METTL15: variants seen among roughly 807,000 people sequenced by gnomAD.
The protein encoded by METTL15 is 12S rRNA N(4)-cytidine methyltransferase METTL15.
METTL15 carries 34 observed loss-of-function variants against 38.3 expected under a neutral mutation model. The observed-to-expected ratio is 0.89, with a 90% CI of 0.68 to 1.18. The LOEUF (loss-of-function observed/expected upper bound fraction) is 1.18, where lower values mean the gene tolerates loss of function less well. Ranked by LOEUF, METTL15 falls within the 50% of genes most tolerant of loss-of-function variation. The pLI, the probability that METTL15 is intolerant of heterozygous loss-of-function variation, is 0.00. For synonymous variants in METTL15, 162 were observed against 170.9 expected (o/e 0.95, Z 0.41); for missense variants, 438 against 498.4 (o/e 0.88, Z 1.15).
chr11:28,368,101 T>A (rs1590347022), intron 5 of METTL15, among the ~76,000 whole-genome samples: 1 of 51,614 alleles, frequency 1.9e-5, no homozygotes, highest in Non-Finnish European at 4.2e-5. Context: ...AAATGGGATC[T>A]AATTAAACTA....
At chr11:28,377,291 GT>G (rs754112312) in intron 5 of METTL15, among the ~76,000 whole-genome samples, 222 of 151,566 alleles carry the variant, frequency 1.5e-3, no homozygotes, top group Non-Finnish European at 1.9e-3. Flanking sequence ...TCACTTTCAG[GT>G]ACACCAATCA....
intron 4 of METTL15, among the ~76,000 whole-genome samples, chr11:28,240,361 CAT>C (rs920726655): frequency 5.9e-5 from 9 of 152,260 alleles, no homozygotes; most frequent in African/African-American, 2.2e-4. Flanking sequence ...AGGATTTTAA[CAT>C]AGGTATCTTT....
At chr11:28,123,844 AT>A in intron 3 of METTL15, 1 of 1,423,004 alleles carries the variant, frequency 7.0e-7, no homozygotes, top group Non-Finnish European at 9.5e-7. Flanking sequence ...TGTTACATGT[AT>A]TTTTCTTTCT....
chr11:28,373,743 G>C (rs1335092492), intron 5 of METTL15, among the ~76,000 whole-genome samples: 2 of 152,020 alleles, frequency 1.3e-5, no homozygotes, highest in Non-Finnish European at 2.9e-5. Context: ...CCTTGCCCGT[G>C]CCTATGTCCT....
intron 6 of METTL15, among the ~76,000 whole-genome samples, chr11:28,322,634 C>G (rs1279521002): frequency 6.6e-6 from 1 of 151,850 alleles, no homozygotes; most frequent in Non-Finnish European, 1.5e-5. Flanking sequence ...ACATAACTAC[C>G]CTTTGACCTA....
chr11:28,478,828 G>C (rs1480741284), intron 6 of METTL15, among the ~76,000 whole-genome samples: 1 of 152,098 alleles, frequency 6.6e-6, no homozygotes, highest in Non-Finnish European at 1.5e-5. Context: ...TAAGTGACTT[G>C]GAATGGAAAG....
At chr11:28,451,402 G>A (rs1469028523) in intron 6 of METTL15, among the ~76,000 whole-genome samples, 1 of 151,920 alleles carries the variant, frequency 6.6e-6, no homozygotes, top group Non-Finnish European at 1.5e-5. Flanking sequence ...TGGCTAACAC[G>A]GTGAAACCCC....
At chr11:28,288,321 C>A (rs1202034224) in intron 4 of METTL15, among the ~76,000 whole-genome samples, 1 of 152,070 alleles carries the variant, frequency 6.6e-6, no homozygotes. Flanking sequence ...GGGTATATAC[C>A]CAAAGGAGTA....
At chr11:28,423,228 C>A (rs1406945311) in intron 5 of METTL15, among the ~76,000 whole-genome samples, 3 of 151,938 alleles carry the variant, frequency 2.0e-5, no homozygotes, top group Non-Finnish European at 2.9e-5. Context: ...GAAAAGAGAA[C>A]CCTTATACAC....
intron 4 of METTL15, among the ~76,000 whole-genome samples, chr11:28,251,561 C>A (rs1360638051): frequency 6.6e-6 from 1 of 151,930 alleles, no homozygotes; most frequent in East Asian, 1.9e-4. Context: ...CTCACAAAGC[C>A]CCATTTGTCA....
At chr11:28,229,012 TTA>T (rs1853587748) in intron 4 of METTL15, among the ~76,000 whole-genome samples, 1 of 151,930 alleles carries the variant, frequency 6.6e-6, no homozygotes, top group African/African-American at 2.4e-5. Context: ...TATGAGATTT[TTA>T]GGTCAATGAC....
intron 3 of METTL15, among the ~76,000 whole-genome samples, chr11:28,161,709 T>C (rs1002958905): frequency 6.6e-6 from 1 of 151,258 alleles, no homozygotes; most frequent in African/African-American, 2.4e-5. Context: ...AAATATGACT[T>C]GTATTTTGAA....
At chr11:28,257,341 C>G (rs1483974605) in intron 4 of METTL15, among the ~76,000 whole-genome samples, 1 of 152,044 alleles carries the variant, frequency 6.6e-6, no homozygotes, top group Admixed American at 6.6e-5. Flanking sequence ...CTTTGGGAGT[C>G]TGATGATTAA....
intron 3 of METTL15, among the ~76,000 whole-genome samples, chr11:28,194,837 A>G (rs2133809558): frequency 6.6e-6 from 1 of 150,986 alleles, no homozygotes; most frequent in African/African-American, 2.4e-5. Flanking sequence ...TTTTTTTTTC[A>G]ACCCTCACCC....
chr11:28,212,580 A>G (rs535431768), intron 4 of METTL15, among the ~76,000 whole-genome samples: 204 of 152,308 alleles, frequency 1.3e-3, no homozygotes, highest in African/African-American at 4.5e-3. Flanking sequence ...GTATGTGCAT[A>G]TAACCTACAC....
chr11:28,253,637 G>A (rs1441406867), intron 4 of METTL15, among the ~76,000 whole-genome samples: 9 of 6,836 alleles, frequency 1.3e-3, no homozygotes, highest in African/African-American at 4.3e-3. Flanking sequence ...CCCTCCCCCC[G>A]CCAACTACCC....
intron 6 of METTL15, among the ~76,000 whole-genome samples, chr11:28,485,583 A>C (rs1851431568): frequency 6.6e-6 from 1 of 152,182 alleles, no homozygotes; most frequent in African/African-American, 2.4e-5. Context: ...CATGCTGGGC[A>C]AGTATTGGGG....
At chr11:28,181,235 GTTTA>G (rs770775746) in intron 3 of METTL15, among the ~76,000 whole-genome samples, 22 of 137,034 alleles carry the variant, frequency 1.6e-4, no homozygotes, top group South Asian at 4.8e-4. Context: ...AAGATAACAC[GTTTA>G]TTTATTTATT....
chr11:28,132,443 A>G (rs1849369844), intron 3 of METTL15, among the ~76,000 whole-genome samples: 1 of 151,910 alleles, frequency 6.6e-6, no homozygotes, highest in African/African-American at 2.4e-5. Flanking sequence ...TTGTCCCTTA[A>G]CCTTACCTTT....
Sources: allele counts gnomAD v4.1 joint callset (sites outside exome capture counted in the v4.1 genomes callset), GRCh38; gene constraint gnomAD v4.1.1; transcripts MANE v1.5; gene names NCBI Gene and HGNC (gene_info 2026-07-23, HGNC 2026-07-21).